Variants in TET1 observed in about 807,000 individuals in gnomAD.
The protein encoded by TET1 is methylcytosine dioxygenase TET1.
Under a neutral mutation model 148.7 loss-of-function variants are expected in TET1, and 13 were observed. The ratio of observed to expected loss-of-function variants is 0.09; its 90% CI spans 0.06 to 0.14. The LOEUF (loss-of-function observed/expected upper bound fraction) is 0.14, where lower values mean the gene tolerates loss of function less well. Ranked by LOEUF, TET1 falls within the 10% of genes least tolerant of loss-of-function variation. The pLI, the probability that TET1 is intolerant of heterozygous loss-of-function variation, is 1.00. For missense variants in TET1, 2,182 were observed against 2,553.8 expected, an observed-to-expected ratio of 0.85 and a Z score of 3.14; for synonymous variants, 907 against 937.2, an observed-to-expected ratio of 0.97 and a Z score of 0.59.
At chr10:68,676,874 G>T (rs2055369671) in intron 8 of TET1, among the ~76,000 whole-genome samples, 1 of 152,156 alleles carries the variant, frequency 6.6e-6, no homozygotes, top group Admixed American at 6.5e-5. Context: ...CTGCAGAAAA[G>T]AATAGAAATT....
intron 3 of TET1, among the ~76,000 whole-genome samples, chr10:68,604,197 G>A (rs370361157): frequency 1.3e-5 from 2 of 152,020 alleles, no homozygotes; most frequent in Non-Finnish European, 1.5e-5. Context: ...CTTTTACTTT[G>A]TGTGTGTGTG....
chr10:68,562,807 C>T (rs992653065), intron 1 of TET1, among the ~76,000 whole-genome samples: 3 of 151,996 alleles, frequency 2.0e-5, no homozygotes, highest in Non-Finnish European at 2.9e-5. Flanking sequence ...TCTGAGCGTC[C>T]GTATCTTCCC....
At chr10:68,649,010 T>C (rs2054891531) in intron 4 of TET1, among the ~76,000 whole-genome samples, 1 of 152,006 alleles carries the variant, frequency 6.6e-6, no homozygotes, top group Admixed American at 6.6e-5. Context: ...GCTGTCTGAG[T>C]GGAGTTGAAT....
intron 6 of TET1, among the ~76,000 whole-genome samples, chr10:68,658,366 T>C (rs2055056547): frequency 6.6e-6 from 1 of 152,090 alleles, no homozygotes; most frequent in South Asian, 2.1e-4. Context: ...CTCAAACTCC[T>C]GACCTCAAGT....
chr10:68,686,933 G>T (rs1448539711), intron 11 of TET1, among the ~76,000 whole-genome samples: 6 of 151,446 alleles, frequency 4.0e-5, no homozygotes, highest in Middle Eastern at 6.9e-3. Context: ...TGTCACCCAG[G>T]CTGGAGTGCA....
chr10:68,614,846 G>A (rs1376164218), intron 3 of TET1, among the ~76,000 whole-genome samples: 1 of 151,730 alleles, frequency 6.6e-6, no homozygotes, highest in Non-Finnish European at 1.5e-5. Flanking sequence ...CGCCCACCTT[G>A]GCCTCCTAAA....
At position 68,596,017 on chromosome 10, in the gene TET1, C is replaced by T. The variant is rs1476580074; in HGVS notation, c.1915-4964C>T. Among the ~76,000 whole-genome samples, 386 of 108,454 alleles carry T rather than the reference C, an allele frequency of 3.6e-3. 4 individuals are homozygous for T. Among genetic ancestry groups the T allele is most frequent in the African/African-American group, 0.014 (355 of 24,726 alleles). The allele number at this position is 108,454 out of a possible 152,430, so 71.2% of individuals were successfully genotyped here. Reference sequence around the variant, plus strand: ...ACACACACACACACACACACACACACACACACACACATATATATATATATA... The same window carrying T: ...ACACACACACACACACACACACACATACACACACACATATATATATATATA... On this transcript the variant is annotated intron_variant, in intron 2 of 11. Coordinates refer to ENST00000373644, the MANE Select transcript of TET1 (RefSeq NM_030625.3).
chr10:68,567,929 A>G (rs1190150135), intron 1 of TET1, among the ~76,000 whole-genome samples: 1 of 152,084 alleles, frequency 6.6e-6, no homozygotes, highest in African/African-American at 2.4e-5. Context: ...TGGAGGCTGG[A>G]GTGCAATGGC....
chr10:68,652,608 AT>A lies in TET1; in HGVS notation c.4461+17del. 1 of 1,576,006 alleles carries A rather than the reference AT, an allele frequency of 6.3e-7. No individual in the cohort carries two copies. The highest frequency in any genetic ancestry group is 8.7e-7 in the Non-Finnish European group (1 of 1,151,664). ...ATTGCTAAGTGGGTAAGTATTTCCT[AT>A]TTATACATTTTTTTGAAGCTTGTTA... On this transcript the variant is annotated intron_variant, in intron 6 of 11. Coordinates refer to ENST00000373644, the MANE Select transcript of TET1 (RefSeq NM_030625.3).
At chr10:68,660,911 G>A (rs1362873135) in intron 6 of TET1, among the ~76,000 whole-genome samples, 2 of 152,066 alleles carry the variant, frequency 1.3e-5, no homozygotes, top group Non-Finnish European at 2.9e-5. Context: ...TGATCCACCC[G>A]CCTCGGCCTC....
At chr10:68,638,680 T>C (rs908748308) in intron 3 of TET1, among the ~76,000 whole-genome samples, 14 of 152,252 alleles carry the variant, frequency 9.2e-5, no homozygotes, top group African/African-American at 3.4e-4. Context: ...TTTTTCTATA[T>C]GATTTGAGTA....
chr10:68,566,487 C>CT (rs201703777), intron 1 of TET1, among the ~76,000 whole-genome samples: 25,086 of 144,154 alleles, frequency 0.17, 2,283 homozygotes, highest in South Asian at 0.34. Flanking sequence ...CAAGCCAAAA[C>CT]TTTTTTTTTT....
intron 2 of TET1, among the ~76,000 whole-genome samples, chr10:68,587,982 C>A (rs902272150): frequency 4.6e-5 from 7 of 152,020 alleles, no homozygotes; most frequent in African/African-American, 1.7e-4. Flanking sequence ...CGTGCCTCAG[C>A]CTCCCAAGTA....
intron 3 of TET1, among the ~76,000 whole-genome samples, chr10:68,635,579 G>C (rs1219203270): frequency 1.3e-5 from 2 of 152,182 alleles, no homozygotes; most frequent in Non-Finnish European, 2.9e-5. Flanking sequence ...ATATAAAATA[G>C]CTAAGATACT....
chr10:68,637,213 G>A (rs1371513037), intron 3 of TET1, among the ~76,000 whole-genome samples: 1 of 151,960 alleles, frequency 6.6e-6, no homozygotes, highest in African/African-American at 2.4e-5. Context: ...TGGTCAGGCT[G>A]GTCTCGAACT....
chr10:68,600,822 T>A (rs543302284), intron 2 of TET1, among the ~76,000 whole-genome samples, 159 bp from the exon 3 acceptor site: 1 of 152,224 alleles, frequency 6.6e-6, no homozygotes. Flanking sequence ...TTTTAAAGTA[T>A]ACATTTTACA....
intron 2 of TET1, among the ~76,000 whole-genome samples, chr10:68,582,977 A>G (rs1253658853): frequency 1.3e-5 from 2 of 152,190 alleles, no homozygotes; most frequent in African/African-American, 2.4e-5. Flanking sequence ...ATGTAGACTG[A>G]TTCTGACCCA....
intron 2 of TET1, among the ~76,000 whole-genome samples, chr10:68,577,126 G>T (rs2053740963): frequency 1.3e-5 from 2 of 152,278 alleles, no homozygotes; most frequent in South Asian, 4.1e-4. Context: ...TAGCCAGGAT[G>T]GTCCCGATCT....
intron 8 of TET1, chr10:68,674,797 C>T (rs1313022977): frequency 1.5e-5 from 7 of 478,946 alleles, no homozygotes; most frequent in Middle Eastern, 3.1e-4. Context: ...ACCAATGTTT[C>T]GGCCAAATCT....
Sources: allele counts gnomAD v4.1 joint callset (sites outside exome capture counted in the v4.1 genomes callset), GRCh38; gene constraint gnomAD v4.1.1; transcripts MANE v1.5; gene names NCBI Gene and HGNC (gene_info 2026-07-23, HGNC 2026-07-21).